PCDH11X: variants seen among roughly 807,000 people sequenced by gnomAD.
PCDH11X encodes protocadherin-11 X-linked.
A neutral mutation model predicts 53.3 loss-of-function variants in PCDH11X; 18 were observed. That is an observed-to-expected ratio of 0.34 (90% CI 0.23 to 0.50). PCDH11X has a LOEUF of 0.50. Ranked by LOEUF, PCDH11X falls within the 20% of genes least tolerant of loss-of-function variation. The pLI, the probability that PCDH11X is intolerant of heterozygous loss-of-function variation, is 0.98. For synonymous variants in PCDH11X, 279 were observed against 393.3 expected, an observed-to-expected ratio of 0.71 and a Z score of 3.44; for missense variants, 570 against 1,032.4, an observed-to-expected ratio of 0.55 and a Z score of 6.14.
At chrX:92,216,048 C>T (rs2066702415) in intron 7 of PCDH11X, among the ~76,000 whole-genome samples, 1 of 110,050 alleles carries the variant, frequency 9.1e-6, no homozygotes, top group South Asian at 4.0e-4. Context: ...ACCAAAAACC[C>T]ATCTGTATGT....
Position 92,466,431 on chromosome X carries a change from C to G in PCDH11X, c.3344-1868C>G, listed in dbSNP as rs1292476983. 2.8e-5 allele frequency among the ~76,000 whole-genome samples: 3 copies of G among 108,170 alleles called. No individual in the cohort carries two copies. In the Admixed American group the frequency reaches 3.0e-4, roughly 11 times the overall value. 93.9% of individuals were successfully genotyped at this position (108,170 alleles called of 115,157 possible). On this transcript the variant is annotated intron_variant, in intron 9 of 10. Transcript: ENST00000682573. ...CCTAATAATTATAATGAATGCATTT[C>G]TTAGTGGTTGTTAGTATATAAGATA...
intron 6 of PCDH11X, among the ~76,000 whole-genome samples, chrX:92,191,510 A>G (rs1035909564): frequency 8.9e-6 from 1 of 111,912 alleles, no homozygotes; most frequent in Non-Finnish European, 1.9e-5. Context: ...ATCAAAATGC[A>G]TATTCTGCAG....
chrX:92,036,898 A>T (rs2148023065), intron 6 of PCDH11X, among the ~76,000 whole-genome samples: 1 of 110,695 alleles, frequency 9.0e-6, no homozygotes, highest in South Asian at 3.9e-4. Context: ...AAGATGAGGA[A>T]CTTATTGGGA....
Position 91,879,097 on chromosome X carries a change from G to C in PCDH11X, c.2857G>C (p.Glu953Gln). 1 of 1,211,344 alleles carries C rather than the reference G, an allele frequency of 8.3e-7. No individual in the cohort carries two copies. Among genetic ancestry groups the C allele is most frequent in the Non-Finnish European group, 1.1e-6 (1 of 895,385 alleles). Residue 953 changes from glutamate (E) to glutamine (Q), a missense_variant, in exon 6 of 11, where the codon GAA becomes CAA. By Grantham distance (29) the Glu-to-Gln change is conservative (BLOSUM62 2). Coordinates refer to ENST00000682573, the MANE Select transcript of PCDH11X (RefSeq NM_032968.5). ...ACAGCCTGCCTTCCAAATTCAGCCTGAAACTCCCCTGAATTCGAAGCACCA... is the reference window on the plus strand; with the variant it reads ...ACAGCCTGCCTTCCAAATTCAGCCTCAAACTCCCCTGAATTCGAAGCACCA... ...SPQPAFQIQP[E>Q]TPLNSKHHII...
chrX:91,963,346 C>G (rs1161504878), intron 6 of PCDH11X, among the ~76,000 whole-genome samples: 16 of 109,483 alleles, frequency 1.5e-4, no homozygotes, highest in African/African-American at 5.5e-4. Context: ...TACCCTAAAT[C>G]ATCTCTTTCA....
intron 6 of PCDH11X, among the ~76,000 whole-genome samples, chrX:91,998,361 C>A (rs1225245180): frequency 9.0e-6 from 1 of 111,358 alleles, no homozygotes; most frequent in Admixed American, 9.5e-5. Context: ...TTCTTTGTAT[C>A]TTTGTGGTAT....
At chrX:92,209,325 G>A (rs886528632) in intron 7 of PCDH11X, among the ~76,000 whole-genome samples, 8 of 111,761 alleles carry the variant, frequency 7.2e-5, no homozygotes, top group African/African-American at 2.3e-4. Flanking sequence ...AAGTTTGCAT[G>A]TCCGAGATAC....
chrX:91,890,554 C>T (rs1465301881), intron 6 of PCDH11X, among the ~76,000 whole-genome samples: 1 of 110,779 alleles, frequency 9.0e-6, no homozygotes, highest in Non-Finnish European at 1.9e-5. Context: ...GATTCTGCTT[C>T]TCTTGCACAC....
At chrX:92,230,165 T>C (rs1405056681) in intron 7 of PCDH11X, among the ~76,000 whole-genome samples, 1 of 108,850 alleles carries the variant, frequency 9.2e-6, no homozygotes, top group Non-Finnish European at 1.9e-5. Flanking sequence ...TATCCTGAAG[T>C]ACATTTGTAC....
intron 6 of PCDH11X, among the ~76,000 whole-genome samples, chrX:92,178,194 T>C (rs757797524): frequency 8.9e-6 from 1 of 111,813 alleles, no homozygotes. Flanking sequence ...ACTTTAATTC[T>C]TGCTGCAATC....
chrX:91,854,899 C>T (rs1938238820), intron 5 of PCDH11X, among the ~76,000 whole-genome samples: 1 of 111,274 alleles, frequency 9.0e-6, no homozygotes, highest in Non-Finnish European at 1.9e-5. Flanking sequence ...ATTATTAATC[C>T]TTTGTCAGAT....
At chrX:91,951,739 T>A (rs1403418080) in intron 6 of PCDH11X, among the ~76,000 whole-genome samples, 1 of 109,611 alleles carries the variant, frequency 9.1e-6, no homozygotes, top group Non-Finnish European at 1.9e-5. Flanking sequence ...TCCTATTGAA[T>A]TAATAAAGCC....
intron 7 of PCDH11X, among the ~76,000 whole-genome samples, chrX:92,212,792 A>T (rs1038856881): frequency 1.8e-5 from 2 of 112,433 alleles, no homozygotes; most frequent in African/African-American, 6.5e-5. Flanking sequence ...TATTTTTGAT[A>T]CTTTTAAGAT....
chrX:91,846,094 A>T (rs1569409690), intron 5 of PCDH11X, among the ~76,000 whole-genome samples: 1 of 111,826 alleles, frequency 8.9e-6, no homozygotes, highest in Non-Finnish European at 1.9e-5. Context: ...TTTCTGAAAT[A>T]ATGTTTTACA....
intron 9 of PCDH11X, among the ~76,000 whole-genome samples, chrX:92,445,801 C>T (rs974604383): frequency 9.0e-6 from 1 of 110,500 alleles, no homozygotes; most frequent in East Asian, 2.8e-4. Context: ...GTAAGATACA[C>T]TGCTGAAAAA....
chrX:92,216,301 T>C (rs2066710255), intron 7 of PCDH11X, among the ~76,000 whole-genome samples: 1 of 109,434 alleles, frequency 9.1e-6, no homozygotes, highest in Non-Finnish European at 1.9e-5. Flanking sequence ...TTGAAAACTT[T>C]GAAAAAAATT....
At chrX:92,225,062 C>G (rs1338187389) in intron 7 of PCDH11X, among the ~76,000 whole-genome samples, 1 of 111,361 alleles carries the variant, frequency 9.0e-6, no homozygotes, top group Non-Finnish European at 1.9e-5. Flanking sequence ...ATTGCAACAA[C>G]TATTAAAAAG....
At chrX:91,823,777 C>T (rs1936794565) in intron 4 of PCDH11X, among the ~76,000 whole-genome samples, 1 of 111,366 alleles carries the variant, frequency 9.0e-6, no homozygotes, top group Non-Finnish European at 1.9e-5. Flanking sequence ...TCTCGATAGT[C>T]TTTACATTTT....
At chrX:92,082,090 C>T (rs756562293) in intron 6 of PCDH11X, among the ~76,000 whole-genome samples, 79 of 111,310 alleles carry the variant, frequency 7.1e-4, no homozygotes, top group Non-Finnish European at 1.4e-3. Context: ...TGTCACAAAT[C>T]CATTATGTGG....
Sources: gnomAD v4.1 joint callset for allele counts (sites outside exome capture counted in the v4.1 genomes callset) on GRCh38, gnomAD v4.1.1 for gene constraint, MANE v1.5 for transcripts, NCBI Gene and HGNC (gene_info 2026-07-23, HGNC 2026-07-21) for gene names.